Variants in SEPTIN9 observed in about 807,000 individuals in gnomAD.
SEPTIN9 encodes the protein septin 9, also known as septin-9.
In SEPTIN9, 13 loss-of-function variants were observed where a neutral mutation model predicts 56.6. The observed-to-expected ratio is 0.23, with a 90% confidence interval of 0.15 to 0.37. The LOEUF (loss-of-function observed/expected upper bound fraction) is 0.37, where lower values mean the gene tolerates loss of function less well. Among genes scored for constraint, SEPTIN9 ranks in the 10% least tolerant of loss-of-function variants. SEPTIN9 has a pLI of 1.00. For missense variants in SEPTIN9, 650 were observed against 823.1 expected, an observed-to-expected ratio of 0.79 and a Z score of 2.57; for synonymous variants, 332 against 334.1, an observed-to-expected ratio of 0.99 and a Z score of 0.07.
At chr17:77,377,808 G>A (rs2034985776) in intron 2 of SEPTIN9, among the ~76,000 whole-genome samples, 1 of 152,232 alleles carries the variant, frequency 6.6e-6, no homozygotes. Flanking sequence ...ATTAATGCCA[G>A]TAGGCCTCTT....
chr17:77,335,265 G>A (rs11655557), intron 2 of SEPTIN9, among the ~76,000 whole-genome samples: 30,968 of 132,158 alleles, frequency 0.23, 3,469 homozygotes, highest in Middle Eastern at 0.27. Context: ...TATAGGCCCC[G>A]TGTTGACTGT....
rs972622059 is a variant in SEPTIN9, at chr17:77,317,924, G to A, written c.76+10727G>A. On this transcript the variant is annotated intron_variant, in intron 2 of 11. Coordinates refer to ENST00000427177, the MANE Select transcript of SEPTIN9 (RefSeq NM_001113491.2). The surrounding 1 kb of genome is among the most constrained non-coding windows in gnomAD (Gnocchi z 4.2). ...AAATTAGCCGGACACGGTGGCAGGC[G>A]TCTGTAGTCCCAGCTTCTTGGGAGG... Among the ~76,000 whole-genome samples, 3 of 152,050 alleles carry A rather than the reference G, an allele frequency of 2.0e-5. No homozygotes were observed. The highest frequency in any genetic ancestry group is 2.9e-5 in the Non-Finnish European group (2 of 68,022).
intron 2 of SEPTIN9, among the ~76,000 whole-genome samples, chr17:77,386,289 G>T (rs2035335282): frequency 6.6e-6 from 1 of 152,168 alleles, no homozygotes; most frequent in Non-Finnish European, 1.5e-5. Flanking sequence ...TGCTGCAATG[G>T]GCCCAGGCAG....
In SEPTIN9 at chr17:77,499,478, C is replaced by T. The variant is rs1161888600; in HGVS notation, c.*820C>T. 1 of 510,610 alleles carries T rather than the reference C, an allele frequency of 2.0e-6. No homozygotes were observed. The highest frequency in any genetic ancestry group is 3.9e-5 in the East Asian group (1 of 25,450). 31.6% of individuals were successfully genotyped at this position (510,610 alleles called of 1,614,324 possible). A position where few individuals can be genotyped will look rare whatever the true frequency, so the allele number is the denominator to read the frequency against. ...GAGATGACCCCTACCCCCTCATCCC[C>T]CAGTTTTGAAAAGGTCTAAGCAAGT... On this transcript the variant is annotated 3_prime_UTR_variant, in exon 12 of 12. Transcript: ENST00000427177.
chr17:77,294,220 A>G (rs2031702871), intron 1 of SEPTIN9, among the ~76,000 whole-genome samples: 1 of 152,070 alleles, frequency 6.6e-6, no homozygotes, highest in Admixed American at 6.5e-5. Flanking sequence ...GGAGTTTGAA[A>G]CCAGCCTGGT....
chr17:77,479,461 G>A (rs2039359501), intron 3 of SEPTIN9, among the ~76,000 whole-genome samples: 1 of 152,272 alleles, frequency 6.6e-6, no homozygotes, highest in Non-Finnish European at 1.5e-5. Context: ...GCCGGGGCCT[G>A]CAAGGCCGCC....
chr17:77,374,531 C>G (rs1371708991), intron 2 of SEPTIN9: 1 of 152,352 alleles, frequency 6.6e-6, no homozygotes, highest in East Asian at 1.9e-4. Flanking sequence ...GGAGCCCCCG[C>G]CCCTCGGAGA....
rs537577849 is a variant in SEPTIN9 at position 77,307,056 on chromosome 17, G to A, written c.20-85G>A. On this transcript the variant is annotated intron_variant, in intron 1 of 11. Coordinates refer to ENST00000427177, the MANE Select transcript of SEPTIN9 (RefSeq NM_001113491.2). The stretch of plus-strand genomic sequence containing the variant: ...TGGAACTCACAGCAGGAGCAAAGGC[G>A]AGGACATTCCTGGTGTTAATCATCC... The A allele has an allele frequency of 5.2e-4, 666 of 1,288,404 alleles. 1 individual carries two copies. The highest frequency in any genetic ancestry group is 4.3e-3 in the Middle Eastern group (23 of 5,410). 79.8% of individuals were successfully genotyped at this position (1,288,404 alleles called of 1,614,324 possible).
intron 3 of SEPTIN9, among the ~76,000 whole-genome samples, chr17:77,474,274 T>C (rs1348868450): frequency 6.6e-6 from 1 of 152,190 alleles, no homozygotes; most frequent in Non-Finnish European, 1.5e-5. Flanking sequence ...CCTGGTGCAC[T>C]AGGGTTTCTC....
Position 77,451,863 on chromosome 17 carries a change from C to T in SEPTIN9, c.722-30281C>T, listed in dbSNP as rs1414828472. On this transcript the variant is annotated intron_variant, in intron 3 of 11. Transcript: ENST00000427177. This position sits in a 1 kb window ranked among gnomAD's most constrained non-coding sequence, Gnocchi z 4.2. ...AGCTTCTTGGAACATGTTTCCTTTT[C>T]GCAAGGGGTTTCCCTGGCTTCCAGG... Among the ~76,000 whole-genome samples the T allele has an allele frequency of 6.6e-6, 1 of 152,232 alleles. No homozygotes were observed. Among genetic ancestry groups the T allele is most frequent in the African/African-American group, 2.4e-5 (1 of 41,454 alleles).
chr17:77,480,088 G>A (rs899178966), intron 3 of SEPTIN9, among the ~76,000 whole-genome samples: 2 of 152,184 alleles, frequency 1.3e-5, no homozygotes, highest in African/African-American at 4.8e-5. Flanking sequence ...CCACGTGGGG[G>A]CACAGAGAGA....
At chr17:77,391,437 C>T (rs767435265) in intron 2 of SEPTIN9, among the ~76,000 whole-genome samples, 33 of 152,320 alleles carry the variant, frequency 2.2e-4, no homozygotes, top group Non-Finnish European at 4.1e-4. Context: ...CCTGTCTCCA[C>T]GTGGCTTTCT....
chr17:77,363,928 C>T (rs553084831), intron 2 of SEPTIN9, among the ~76,000 whole-genome samples: 18 of 151,706 alleles, frequency 1.2e-4, no homozygotes, highest in African/African-American at 4.3e-4. Flanking sequence ...CTGGCCAGAG[C>T]TGGCCAGGTC....
At chr17:77,454,588 G>A in intron 3 of SEPTIN9, 1 of 157,706 alleles carries the variant, frequency 6.3e-6, no homozygotes, top group Non-Finnish European at 1.4e-5. Flanking sequence ...TGCCTGCCCA[G>A]CTGCTGGTGG....
chr17:77,373,650 G>GTGCGCTGAGGGGAGACGGGAC, intron 2 of SEPTIN9: 1 of 1,488,340 alleles, frequency 6.7e-7, no homozygotes, highest in Non-Finnish European at 9.0e-7. Flanking sequence ...GGAGACGGGA[G>GTGCGCTGAGGGGAGACGGGAC]TGCGCTGAGG....
chr17:77,411,655 C>T (rs144634028), intron 3 of SEPTIN9, among the ~76,000 whole-genome samples: 2,352 of 151,880 alleles, frequency 0.015, 48 homozygotes, highest in South Asian at 0.076. Context: ...CCACCTCGGC[C>T]TCCCAAAGTA....
intron 4 of SEPTIN9, among the ~76,000 whole-genome samples, chr17:77,484,983 T>C (rs111218923): frequency 7.6e-5 from 7 of 92,630 alleles, no homozygotes; most frequent in East Asian, 4.8e-4. Context: ...GTGATGGTGG[T>C]GATTGTGATG....
chr17:77,411,924 G>A (rs2036317804), intron 3 of SEPTIN9, among the ~76,000 whole-genome samples: 1 of 151,578 alleles, frequency 6.6e-6, no homozygotes, highest in African/African-American at 2.4e-5. Context: ...GAGGTCAGGA[G>A]TTCAAGACCA....
At position 77,402,744 on chromosome 17, in the gene SEPTIN9, G is replaced by C. The variant is rs754315210; in HGVS notation, c.721+41G>C. On this transcript the variant is annotated intron_variant, in intron 3 of 11. Transcript: ENST00000427177. This position sits in a 1 kb window ranked among gnomAD's most constrained non-coding sequence, Gnocchi z 6.6. Reference sequence around the variant, plus strand: ...CTAGGTCTTGGATGCTGTGGTAATGGGGGGCCTGGTTGCTGGCTTTGCCAC... The same window carrying C: ...CTAGGTCTTGGATGCTGTGGTAATGCGGGGCCTGGTTGCTGGCTTTGCCAC... The C allele has an allele frequency of 3.0e-5, 45 of 1,516,066 alleles. 1 individual carries two copies. The Admixed American group carries it at 8.9e-4, about 30-fold the overall frequency. 93.9% of individuals were successfully genotyped at this position (1,516,066 alleles called of 1,614,324 possible). A position where few individuals can be genotyped will look rare whatever the true frequency, so the allele number is the denominator to read the frequency against.
Sources: gnomAD v4.1 joint callset for allele counts (sites outside exome capture counted in the v4.1 genomes callset) on GRCh38, gnomAD v4.1.1 for gene constraint, Gnocchi (gnomAD v3.1) non-coding constraint, MANE v1.5 for transcripts, NCBI Gene and HGNC (gene_info 2026-07-23, HGNC 2026-07-21) for gene names.